R3HCC1L: variants seen among roughly 807,000 people sequenced by gnomAD.
The protein encoded by R3HCC1L is coiled-coil domain-containing protein R3HCC1L.
A neutral mutation model predicts 59.9 loss-of-function variants in R3HCC1L; 51 were observed. The observed-to-expected ratio is 0.85, with a 90% CI of 0.68 to 1.07. The LOEUF (loss-of-function observed/expected upper bound fraction) is 1.07, where lower values mean the gene tolerates loss of function less well. R3HCC1L is among the 50% of genes least tolerant of loss of function. The pLI is 0.00. For missense variants in R3HCC1L, 965 were observed against 933.0 expected, an observed-to-expected ratio of 1.03 and a Z score of -0.45; for synonymous variants, 322 against 315.2, an observed-to-expected ratio of 1.02 and a Z score of -0.23.
chr10:98,182,868 G>A (rs1849789079), intron 4 of R3HCC1L, among the ~76,000 whole-genome samples: 1 of 152,198 alleles, frequency 6.6e-6, no homozygotes, highest in African/African-American at 2.4e-5. Context: ...TAATCTCCTG[G>A]TGTGCCGTTT....
At chr10:98,214,791 T>G (rs1320584888) in intron 5 of R3HCC1L, among the ~76,000 whole-genome samples, 1 of 152,214 alleles carries the variant, frequency 6.6e-6, no homozygotes, top group East Asian at 1.9e-4. Context: ...GTCTTAGAGA[T>G]AGAACTGCAC....
At chr10:98,153,087 C>T (rs1204262466) in intron 1 of R3HCC1L, among the ~76,000 whole-genome samples, 14 of 152,300 alleles carry the variant, frequency 9.2e-5, no homozygotes, top group African/African-American at 3.1e-4. Context: ...CCCCTATACC[C>T]GGCCACCACC....
chr10:98,206,557 A>G (rs978182059), intron 4 of R3HCC1L, among the ~76,000 whole-genome samples: 1 of 151,832 alleles, frequency 6.6e-6, no homozygotes, highest in Non-Finnish European at 1.5e-5. Context: ...TCAAAGGGCT[A>G]TATAATCCTC....
At chr10:98,197,572 C>A (rs1851579541) in intron 4 of R3HCC1L, among the ~76,000 whole-genome samples, 1 of 151,978 alleles carries the variant, frequency 6.6e-6, no homozygotes, top group Admixed American at 6.6e-5. Flanking sequence ...GTTCCCAATG[C>A]CTAAGATGGG....
At chr10:98,139,307 A>G (rs1844896542) in intron 1 of R3HCC1L, among the ~76,000 whole-genome samples, 1 of 152,230 alleles carries the variant, frequency 6.6e-6, no homozygotes. Flanking sequence ...ATATAAATAT[A>G]TGATTAGCCG....
Position 98,231,514 on chromosome 10 carries a change from A to G in R3HCC1L, c.1788A>G (p.Leu596=). Residue 596 remains leucine, a splice_region_variant and synonymous_variant, in exon 6 of 10, where the codon TTA becomes TTG. Transcript: ENST00000298999. ...DCLDPRLLQE[L]SGNTKSRESI... Reference sequence around the variant, plus strand: ...TTAACGTGCTTCTTCCTTTCTAGTTATCAGGGAATACCAAGAGCAGAGAGA... The same window carrying G: ...TTAACGTGCTTCTTCCTTTCTAGTTGTCAGGGAATACCAAGAGCAGAGAGA... 1 of 1,610,394 alleles carries G rather than the reference A, an allele frequency of 6.2e-7. No homozygotes were observed. The highest frequency in any genetic ancestry group is 1.1e-5 in the South Asian group (1 of 89,988).
At chr10:98,200,879 A>G (rs1226880927) in intron 4 of R3HCC1L, among the ~76,000 whole-genome samples, 1 of 152,178 alleles carries the variant, frequency 6.6e-6, no homozygotes. Context: ...AGTCCCAGAC[A>G]GTGCTGCCAA....
At chr10:98,165,742 AC>A (rs1160728492) in intron 4 of R3HCC1L, among the ~76,000 whole-genome samples, 1 of 152,174 alleles carries the variant, frequency 6.6e-6, no homozygotes, top group African/African-American at 2.4e-5. Flanking sequence ...AATATTGGGG[AC>A]TGAATGTTTG....
At chr10:98,232,282 G>A (rs1262046075) in intron 6 of R3HCC1L, among the ~76,000 whole-genome samples, 1 of 152,120 alleles carries the variant, frequency 6.6e-6, no homozygotes, top group Non-Finnish European at 1.5e-5. Context: ...GAGTTACCAC[G>A]CCTGGCCTCA....
chr10:98,240,278 C>T (rs990360547), intron 9 of R3HCC1L, among the ~76,000 whole-genome samples: 13 of 152,130 alleles, frequency 8.5e-5, no homozygotes, highest in African/African-American at 2.9e-4. Flanking sequence ...CATACTCCAG[C>T]CTGGGCAACT....
At chr10:98,225,950 C>G (rs1855624665) in intron 5 of R3HCC1L, among the ~76,000 whole-genome samples, 1 of 152,086 alleles carries the variant, frequency 6.6e-6, no homozygotes, top group African/African-American at 2.4e-5. Flanking sequence ...AAGCTATCCT[C>G]CGGCCTCAGC....
At chr10:98,195,688 T>C (rs1851358311) in intron 4 of R3HCC1L, among the ~76,000 whole-genome samples, 1 of 152,192 alleles carries the variant, frequency 6.6e-6, no homozygotes, top group African/African-American at 2.4e-5. Flanking sequence ...TTTTTAAAAC[T>C]GTACCTTGTT....
At chr10:98,158,052 G>T (rs1847051899) in intron 2 of R3HCC1L, among the ~76,000 whole-genome samples, 1 of 152,128 alleles carries the variant, frequency 6.6e-6, no homozygotes, top group African/African-American at 2.4e-5. Flanking sequence ...CCACAAAAAT[G>T]TTACGTCTGT....
At chr10:98,181,805 G>A (rs2134591479) in intron 4 of R3HCC1L, among the ~76,000 whole-genome samples, 1 of 152,228 alleles carries the variant, frequency 6.6e-6, no homozygotes, top group East Asian at 1.9e-4. Flanking sequence ...GATCGAATCG[G>A]CTACTGAAGC....
At chr10:98,235,749 A>G (rs904295661) in intron 8 of R3HCC1L, among the ~76,000 whole-genome samples, 1 of 152,226 alleles carries the variant, frequency 6.6e-6, no homozygotes, top group Non-Finnish European at 1.5e-5. Flanking sequence ...TGCAGCAATC[A>G]GTTTCTGATG....
chr10:98,196,931 T>A (rs75715687), intron 4 of R3HCC1L, among the ~76,000 whole-genome samples: 6 of 152,138 alleles, frequency 3.9e-5, no homozygotes. Context: ...TTCTTTTTTT[T>A]CTTGAGACAG....
chr10:98,161,124 C>T (rs148884180), intron 2 of R3HCC1L, among the ~76,000 whole-genome samples: 13 of 152,170 alleles, frequency 8.5e-5, no homozygotes, highest in African/African-American at 1.7e-4. Flanking sequence ...AGAGGTTGTA[C>T]GAATTTGAAT....
chr10:98,166,073 G>A (rs1041882172), intron 4 of R3HCC1L, among the ~76,000 whole-genome samples: 8 of 152,208 alleles, frequency 5.3e-5, no homozygotes, highest in African/African-American at 1.7e-4. Context: ...GGGAAGCTGA[G>A]GCAGGAGAAT....
intron 4 of R3HCC1L, among the ~76,000 whole-genome samples, chr10:98,189,542 T>A (rs1293624535): frequency 6.6e-6 from 1 of 152,206 alleles, no homozygotes; most frequent in African/African-American, 2.4e-5. Flanking sequence ...GTAATTTCTT[T>A]CACTATAGAC....
Sources: gnomAD v4.1 joint callset for allele counts (sites outside exome capture counted in the v4.1 genomes callset) on GRCh38, gnomAD v4.1.1 for gene constraint, MANE v1.5 for transcripts, NCBI Gene and HGNC (gene_info 2026-07-23, HGNC 2026-07-21) for gene names.